DPP6: variants seen among roughly 807,000 people sequenced by gnomAD.
The protein encoded by DPP6 is dipeptidyl peptidase like 6, also known as A-type potassium channel modulatory protein DPP6.
In DPP6, 69 loss-of-function variants were observed where a neutral mutation model predicts 122.6. The ratio of observed to expected loss-of-function variants is 0.56; its 90% confidence interval spans 0.46 to 0.69. DPP6 has a LOEUF of 0.69. Ranked by LOEUF, DPP6 falls within the 30% of genes least tolerant of loss-of-function variation. The pLI is 0.00. For missense variants in DPP6, 928 were observed against 1,116.9 expected (o/e 0.83, Z 2.41); for synonymous variants, 418 against 433.1 (o/e 0.97, Z 0.43).
chr7:154,377,922 G>A (rs1813270573), intron 1 of DPP6, among the ~76,000 whole-genome samples: 1 of 152,194 alleles, frequency 6.6e-6, no homozygotes, highest in African/African-American at 2.4e-5. Flanking sequence ...GGGTGAGCCG[G>A]GGAAGATGTC....
At chr7:154,414,847 G>T (rs77700555) in intron 1 of DPP6, among the ~76,000 whole-genome samples, 3,329 of 152,286 alleles carry the variant, frequency 0.022, 128 homozygotes, top group African/African-American at 0.075. Context: ...GTCTTCCATA[G>T]AGATACACGA....
rs1469222597 is a variant in DPP6, at chr7:154,663,154, A to G, written c.681-6206A>G. Among the ~76,000 whole-genome samples the G allele has an allele frequency of 6.6e-5, 5 of 75,834 alleles. 1 individual carries two copies. Among genetic ancestry groups the G allele is most frequent in the Admixed American group, 5.1e-4 (3 of 5,886 alleles). The allele number at this position is 75,834 out of a possible 152,430, so 49.8% of individuals were successfully genotyped here. ...CGTAGTGTTCACGCAGTCATGGTGA[A>G]TCACCATGGCGTATTGGCGGTAGTG... is the stretch of plus-strand genomic sequence containing the variant. On this transcript the variant is annotated intron_variant, in intron 6 of 25. Transcript: ENST00000377770.
intron 7 of DPP6, among the ~76,000 whole-genome samples, chr7:154,671,866 A>ACACACACACACACGTG (rs1554431525): frequency 1.7e-5 from 2 of 118,008 alleles, no homozygotes; most frequent in Non-Finnish European, 4.2e-5. Context: ...ACACACATGC[A>ACACACACACACACGTG]CACACACACA....
intron 1 of DPP6, among the ~76,000 whole-genome samples, chr7:154,030,393 T>C (rs1390831285): frequency 6.6e-6 from 1 of 152,052 alleles, no homozygotes; most frequent in African/African-American, 2.4e-5. Context: ...CAGGTGTGAG[T>C]TGGGACCTGA....
chr7:153,880,606 T>G, the DPP6 span, among the ~76,000 whole-genome samples: 2 of 152,226 alleles, frequency 1.3e-5, no homozygotes, highest in African/African-American at 4.8e-5. Flanking sequence ...GACATGGCTG[T>G]GGATATGACA....
intron 1 of DPP6, among the ~76,000 whole-genome samples, chr7:154,113,412 T>TATATATAC (rs1472172445): frequency 1.3e-4 from 19 of 141,878 alleles, no homozygotes; most frequent in East Asian, 4.5e-4. Flanking sequence ...TATATATATA[T>TATATATAC]ACACACACAC....
intron 1 of DPP6, among the ~76,000 whole-genome samples, chr7:154,205,377 A>C (rs1021491857): frequency 6.6e-6 from 1 of 152,180 alleles, no homozygotes; most frequent in Non-Finnish European, 1.5e-5. Context: ...ACAACCACTG[A>C]TCCATTCTCA....
chr7:154,544,504 T>C (rs944324991), intron 4 of DPP6, among the ~76,000 whole-genome samples: 10 of 152,198 alleles, frequency 6.6e-5, no homozygotes, highest in African/African-American at 2.4e-4. Flanking sequence ...TCCACTGCTA[T>C]GTGTTTTATG....
At chr7:153,928,687 C>T (rs1332284029) in intron 1 of DPP6, among the ~76,000 whole-genome samples, 1 of 152,076 alleles carries the variant, frequency 6.6e-6, no homozygotes, top group Non-Finnish European at 1.5e-5. Flanking sequence ...TCCTGGAAGG[C>T]CCCACCTTTT....
At chr7:153,884,928 C>T (rs1015715221), upstream of DPP6, among the ~76,000 whole-genome samples, 35 of 148,468 alleles carry the variant, frequency 2.4e-4, no homozygotes, top group African/African-American at 1.0e-4. Flanking sequence ...TGCAGTGAGC[C>T]GAGATCACGC....
At chr7:154,273,502 T>A (rs1288941716) in intron 1 of DPP6, among the ~76,000 whole-genome samples, 1 of 152,234 alleles carries the variant, frequency 6.6e-6, no homozygotes, top group Non-Finnish European at 1.5e-5. Flanking sequence ...ATTGCGGTGA[T>A]ACACTTTTTA....
chr7:154,200,894 T>C (rs1213690720), intron 1 of DPP6, among the ~76,000 whole-genome samples: 1 of 152,174 alleles, frequency 6.6e-6, no homozygotes, highest in Non-Finnish European at 1.5e-5. Context: ...CTTCTGATGG[T>C]CCTCAATATA....
chr7:154,712,122 A>G (rs1171247484), intron 7 of DPP6, among the ~76,000 whole-genome samples: 2 of 152,250 alleles, frequency 1.3e-5, no homozygotes, highest in Non-Finnish European at 2.9e-5. Flanking sequence ...GCCAACTCAC[A>G]TGCTAAACCT....
chr7:153,972,065 AAGG>A (rs1416960364), intron 1 of DPP6, among the ~76,000 whole-genome samples: 1 of 151,070 alleles, frequency 6.6e-6, no homozygotes, highest in Non-Finnish European at 1.5e-5. Flanking sequence ...TTATTGTAGA[AAGG>A]AGAGTAAATC....
At chr7:154,350,873 C>T (rs58620393) in intron 1 of DPP6, among the ~76,000 whole-genome samples, 9,355 of 152,164 alleles carry the variant, frequency 0.061, 728 homozygotes, top group African/African-American at 0.18. Context: ...GGCTTAGGAG[C>T]TGGAGATCAC....
At chr7:154,136,924 C>T (rs193217307) in intron 1 of DPP6, among the ~76,000 whole-genome samples, 2 of 152,298 alleles carry the variant, frequency 1.3e-5, no homozygotes, top group East Asian at 1.9e-4. Context: ...ATAGTATAGT[C>T]TAATTGTAGG....
At chr7:154,201,187 G>T (rs1585617220) in intron 1 of DPP6, among the ~76,000 whole-genome samples, 1 of 151,596 alleles carries the variant, frequency 6.6e-6, no homozygotes, top group Admixed American at 6.6e-5. Context: ...GAATGCAGTG[G>T]TGCGATCTCG....
chr7:153,982,574 T>G (rs71212184), intron 1 of DPP6, among the ~76,000 whole-genome samples: 15,726 of 152,052 alleles, frequency 0.1, 1,059 homozygotes, highest in Middle Eastern at 0.17. Flanking sequence ...CCATCCAGTT[T>G]TGTTCCCTTG....
intron 2 of DPP6, among the ~76,000 whole-genome samples, chr7:154,465,559 C>T (rs1429048512): frequency 6.6e-6 from 1 of 152,140 alleles, no homozygotes; most frequent in Non-Finnish European, 1.5e-5. Context: ...TATGAACAGA[C>T]ACTTTTCAAA....
Sources: gnomAD v4.1 joint callset for allele counts (sites outside exome capture counted in the v4.1 genomes callset) on GRCh38, gnomAD v4.1.1 for gene constraint, MANE v1.5 for transcripts, NCBI Gene and HGNC (gene_info 2026-07-23, HGNC 2026-07-21) for gene names.